Variants in SMO observed in about 807,000 individuals in gnomAD.
The protein encoded by SMO is protein smoothened.
Under a neutral mutation model 81.6 loss-of-function variants are expected in SMO, and 40 were observed. The observed-to-expected ratio is 0.49, with a 90% CI of 0.38 to 0.64. The LOEUF is 0.64. Among genes scored for constraint, SMO ranks in the 30% least tolerant of loss-of-function variants. SMO has a pLI of 0.00. For missense variants in SMO, 916 were observed against 1,061.1 expected, an observed-to-expected ratio of 0.86 and a Z score of 1.90; for synonymous variants, 434 against 432.1, an observed-to-expected ratio of 1.00 and a Z score of -0.05.
intron 1 of SMO, 34 bp from the exon 2 acceptor site, chr7:129,203,350 G>A (rs1369179273): frequency 1.3e-6 from 2 of 1,489,408 alleles, no homozygotes; most frequent in Non-Finnish European, 1.8e-6. Flanking sequence ...AGAGTGAGGA[G>A]GGGCCTTCAC....
At chr7:129,193,785 A>AATATATATATATATATAT (rs71526088) in intron 1 of SMO, among the ~76,000 whole-genome samples, 9 of 26,352 alleles carry the variant, frequency 3.4e-4, no homozygotes, top group South Asian at 2.0e-3. Flanking sequence ...AAAAAAAAAA[A>AATATATATATATATATAT]ATATATATAT....
chr7:129,206,122 T>C lies in SMO; in HGVS notation c.921-28T>C, dbSNP rs2150649747. ...GTAGAGGGAGTACAGAGTGACCGCC[T>C]CAAGTGACACCTCACCTCTCTGCAC... On this transcript the variant is annotated intron_variant, in intron 4 of 11. Coordinates refer to ENST00000249373, the MANE Select transcript of SMO (RefSeq NM_005631.5). The surrounding 1 kb of genome is among the most constrained non-coding windows in gnomAD (Gnocchi z 4.4). 1.3e-6 allele frequency: 2 copies of C among 1,541,102 alleles called. No homozygotes were observed. The highest frequency in any genetic ancestry group is 1.2e-5 in the South Asian group (1 of 81,558).
chr7:129,208,784 G>A lies in SMO; in HGVS notation c.1290G>A (p.Lys430=). 6.2e-7 allele frequency: 1 copy of A among 1,613,670 alleles called. No homozygotes were observed. The highest frequency in any genetic ancestry group is 1.3e-5 in the African/African-American group (1 of 75,000). ...GAGTCATGACTCTGTTCTCCATCAA[G>A]AGCAACCACCCCGGGCTGCTGAGTG... The part of the protein sequence containing the change: ...IRGVMTLFSI[K]SNHPGLLSEK... Residue 430 remains lysine (K), a synonymous_variant, in exon 7 of 12, where the codon AAG becomes AAA. Transcript: ENST00000249373. The surrounding 1 kb of genome is among the most constrained non-coding windows in gnomAD (Gnocchi z 5.2).
In SMO at chr7:129,189,233, C is replaced by T. The variant is rs1041213948; in HGVS notation, c.82C>T (p.Arg28Trp). ...GCTGCTGCTGCTGGGGGACCCGGGC[C>T]GGGGGGCGGCCTCGAGCGGGAACGC... Reference protein sequence around the residue: ...LLLLLLGDPGRGAASSGNATG... With the variant: ...LLLLLLGDPGWGAASSGNATG... Residue 28 changes from arginine (R) to tryptophan (W), a missense_variant, in exon 1 of 12, where the codon CGG becomes TGG. This residue lies in a region of SMO where 146 missense variants were observed against 149.9 expected (regional missense o/e 0.97). Transcript: ENST00000249373. This position sits in a 1 kb window ranked among gnomAD's most constrained non-coding sequence, Gnocchi z 4.7. 10 of 1,190,466 alleles carry T rather than the reference C, an allele frequency of 8.4e-6. No homozygotes were observed. The highest frequency in any genetic ancestry group is 8.0e-5 in the African/African-American group (5 of 62,858). 73.7% of individuals were successfully genotyped at this position (1,190,466 alleles called of 1,614,324 possible).
Position 129,206,370 on chromosome 7 carries a change from GTA to G in SMO, c.1140+4_1140+5del. On this transcript the variant is annotated splice_donor_variant and splice_donor_region_variant and intron_variant, in intron 5 of 11. Coordinates refer to ENST00000249373, the MANE Select transcript of SMO (RefSeq NM_005631.5). LOFTEE classifies it high-confidence loss of function. This position sits in a 1 kb window ranked among gnomAD's most constrained non-coding sequence, Gnocchi z 4.4. ...TGTGGCAATCCTTGCTGTGGCGCAGGTATAGTGACTGGTAGGAACGGGAGACC... is the reference window on the plus strand; with the variant it reads ...TGTGGCAATCCTTGCTGTGGCGCAGGTAGTGACTGGTAGGAACGGGAGACC... 4 of 1,614,138 alleles carry G rather than the reference GTA, an allele frequency of 2.5e-6. No homozygotes were observed. The South Asian group carries it at 4.4e-5, about 18-fold the overall frequency.
In SMO at chr7:129,208,959, C is replaced by A; in HGVS notation, c.1357+108C>A. The A allele has an allele frequency of 2.6e-6, 2 of 764,054 alleles. No homozygotes were observed. Among genetic ancestry groups the A allele is most frequent in the Non-Finnish European group, 4.5e-6 (2 of 443,558 alleles). 47.3% of individuals were successfully genotyped at this position (764,054 alleles called of 1,614,324 possible). ...GCAGTAAGTCAGTGGGACAAGTTAG[C>A]CATAGGGACAAGGACAAGGGGTGTG... On this transcript the variant is annotated intron_variant, in intron 7 of 11. Transcript: ENST00000249373. This position sits in a 1 kb window ranked among gnomAD's most constrained non-coding sequence, Gnocchi z 5.2.
In SMO at chr7:129,210,985, A is replaced by T. The variant is rs1409257755; in HGVS notation, c.1673A>T (p.Asp558Val). 6.2e-7 allele frequency: 1 copy of T among 1,611,908 alleles called. No individual in the cohort carries two copies. Among genetic ancestry groups the T allele is most frequent in the Non-Finnish European group, 8.5e-7 (1 of 1,179,008 alleles). Residue 558 changes from aspartate to valine, a missense_variant, in exon 10 of 12, where the codon GAT (aspartate) becomes GTT (valine). Physicochemically the swap from Asp to Val is radical, Grantham distance 152. Around this residue, in one of 4 missense-constraint regions of SMO, gnomAD observed 324 missense variants for 312.9 expected, o/e 1.04. Coordinates refer to ENST00000249373, the MANE Select transcript of SMO (RefSeq NM_005631.5). The surrounding 1 kb of genome is among the most constrained non-coding windows in gnomAD (Gnocchi z 4.7). ...TWCRLTGQSD[D>V]EPKRIKKSKM... ...CTCAGGTTGACTGGGCAGAGTGACG[A>T]TGAGCCAAAGCGGATCAAGAAGAGC...
Position 129,212,252 on chromosome 7 carries a change from G to GACA in SMO, c.2165_2166insACA (p.Gly722_Asp723insGln). On this transcript the variant is annotated inframe_insertion, in exon 12 of 12. Transcript: ENST00000249373. This position sits in a 1 kb window ranked among gnomAD's most constrained non-coding sequence, Gnocchi z 5.0. ...GTGGCTGCAGGTGCCTGGGGAGCTGGGGACTCTTGCCGACAGGGAGCGTGG... is the reference window on the plus strand; with the variant it reads ...GTGGCTGCAGGTGCCTGGGGAGCTGGACAGGACTCTTGCCGACAGGGAGCGTGG... The GACA allele has an allele frequency of 6.2e-7, 1 of 1,604,902 alleles. No homozygotes were observed. The highest frequency in any genetic ancestry group is 8.5e-7 in the Non-Finnish European group (1 of 1,175,856).
In SMO at chr7:129,196,889, C is replaced by T. The variant is rs187945666; in HGVS notation, c.332-6495C>T. ...AAAGTTAGTCGGGCATGGTGGCGGG[C>T]GCCTGTAGTCCCAGCTACTCAGGAG... is the stretch of plus-strand genomic sequence containing the variant. On this transcript the variant is annotated intron_variant, in intron 1 of 11. Coordinates refer to ENST00000249373, the MANE Select transcript of SMO (RefSeq NM_005631.5). Among the ~76,000 whole-genome samples the T allele has an allele frequency of 3.4e-3, 522 of 151,730 alleles. 4 individuals are homozygous for T. Among genetic ancestry groups the T allele is most frequent in the African/African-American group, 0.012 (486 of 41,356 alleles).
In SMO at chr7:129,206,457, G is replaced by A. The variant is rs2150650599; in HGVS notation, c.1141-7G>A. 1 of 1,613,976 alleles carries A rather than the reference G, an allele frequency of 6.2e-7. No individual in the cohort carries two copies. Among genetic ancestry groups the A allele is most frequent in the Non-Finnish European group, 8.5e-7 (1 of 1,179,884 alleles). On this transcript the variant is annotated splice_region_variant and splice_polypyrimidine_tract_variant and intron_variant, in intron 5 of 11. Transcript: ENST00000249373. This position sits in a 1 kb window ranked among gnomAD's most constrained non-coding sequence, Gnocchi z 4.4. Reference sequence around the variant, plus strand: ...CCCACCTTCTGTCCCACCCCTTCCTGCTGCAGGTGGATGGGGACTCTGTGA... The same window carrying A: ...CCCACCTTCTGTCCCACCCCTTCCTACTGCAGGTGGATGGGGACTCTGTGA...
rs374994596 is a variant in SMO, at chr7:129,189,998, A to C, written c.331+516A>C. ...ACCTCCCTAGTGATGAATTATTAAA[A>C]GGTAACCAGAAAGTTCTGGAAATCT... On this transcript the variant is annotated intron_variant, in intron 1 of 11. Transcript: ENST00000249373. The surrounding 1 kb of genome is among the most constrained non-coding windows in gnomAD (Gnocchi z 4.7). Among the ~76,000 whole-genome samples, 18 of 152,320 alleles carry C rather than the reference A, an allele frequency of 1.2e-4. No individual in the cohort carries two copies. In the East Asian group the frequency reaches 2.1e-3, roughly 18 times the overall value.
chr7:129,201,806 G>A (rs868147942), intron 1 of SMO, among the ~76,000 whole-genome samples: 2 of 151,890 alleles, frequency 1.3e-5, no homozygotes, highest in Non-Finnish European at 2.9e-5. Flanking sequence ...TCAGCCTCCC[G>A]AGTAGCTGGG....
rs1162432457 is a variant in SMO, at chr7:129,189,692, A to G, written c.331+210A>G. 6.6e-6 allele frequency among the ~76,000 whole-genome samples: 1 copy of G among 152,154 alleles called. No homozygotes were observed. Among genetic ancestry groups the G allele is most frequent in the African/African-American group, 2.4e-5 (1 of 41,440 alleles). On this transcript the variant is annotated intron_variant, in intron 1 of 11. Coordinates refer to ENST00000249373, the MANE Select transcript of SMO (RefSeq NM_005631.5). This position sits in a 1 kb window ranked among gnomAD's most constrained non-coding sequence, Gnocchi z 4.7. ...AAAAGGAGGGCAAGGAAGTTGACGA[A>G]GCGGGTCACAAAGGGCCTGAGCTGG...
chr7:129,211,786 C>T lies in SMO; in HGVS notation c.1936+16C>T, dbSNP rs1457627969. ...GCAACTCCAGGTATGAGAGTTCAAG[C>T]TTCTGGAGGAAGGTGGGGGGAGCAC... On this transcript the variant is annotated intron_variant, in intron 11 of 11. Coordinates refer to ENST00000249373, the MANE Select transcript of SMO (RefSeq NM_005631.5). This position sits in a 1 kb window ranked among gnomAD's most constrained non-coding sequence, Gnocchi z 4.6. The T allele has an allele frequency of 6.2e-7, 1 of 1,613,886 alleles. No homozygotes were observed.
At chr7:129,194,690 T>C (rs1210219052) in intron 1 of SMO, among the ~76,000 whole-genome samples, 2 of 152,256 alleles carry the variant, frequency 1.3e-5, no homozygotes. Context: ...CAAAATAATA[T>C]GCTGTGCATA....
intron 1 of SMO, among the ~76,000 whole-genome samples, chr7:129,190,163 A>T (rs1179327883): frequency 6.6e-6 from 1 of 152,142 alleles, no homozygotes; most frequent in Non-Finnish European, 1.5e-5. Context: ...CCTTTCTAAC[A>T]GTTATTTGTG....
At chr7:129,196,739 T>C (rs1248128020) in intron 1 of SMO, among the ~76,000 whole-genome samples, 5 of 152,058 alleles carry the variant, frequency 3.3e-5, no homozygotes, top group Non-Finnish European at 7.4e-5. Context: ...TAAAACTGGC[T>C]GGGCACGGTG....
At position 129,210,241 on chromosome 7, in the gene SMO, G is replaced by T. The variant is rs183685880; in HGVS notation, c.1467-122G>T. The stretch of plus-strand genomic sequence containing the variant: ...GATTGCCTGAGCCCAGGAGTTGGAA[G>T]CTGCAGTGGGTTGTGATCACGCCAC... On this transcript the variant is annotated intron_variant, in intron 8 of 11. Transcript: ENST00000249373. The surrounding 1 kb of genome is among the most constrained non-coding windows in gnomAD (Gnocchi z 4.7). 8 of 743,882 alleles carry T rather than the reference G, an allele frequency of 1.1e-5. No individual in the cohort carries two copies. The Admixed American group carries it at 1.8e-4, about 17-fold the overall frequency. 46.1% of individuals were successfully genotyped at this position (743,882 alleles called of 1,614,324 possible).
Position 129,211,877 on chromosome 7 carries a change from G to T in SMO, c.1936+107G>T. The stretch of plus-strand genomic sequence containing the variant: ...GGAGGAGGAGGAAGAGGAAGGAAAG[G>T]CCCCAGAGGATCTGAAGAGTGGGGC... On this transcript the variant is annotated intron_variant, in intron 11 of 11. Transcript: ENST00000249373. This position sits in a 1 kb window ranked among gnomAD's most constrained non-coding sequence, Gnocchi z 4.6. The T allele has an allele frequency of 6.7e-7, 1 of 1,492,570 alleles. No homozygotes were observed. Among genetic ancestry groups the T allele is most frequent in the South Asian group, 1.2e-5 (1 of 86,638 alleles). 92.5% of individuals were successfully genotyped at this position (1,492,570 alleles called of 1,614,324 possible).
Sources: gnomAD v4.1 joint callset for allele counts (sites outside exome capture counted in the v4.1 genomes callset) on GRCh38, gnomAD v4.1.1 for gene constraint, gnomAD v4.1.1 regional missense constraint, Gnocchi (gnomAD v3.1) non-coding constraint, MANE v1.5 for transcripts, NCBI Gene and HGNC (gene_info 2026-07-23, HGNC 2026-07-21) for gene names.